The following MAN2A1 variants were observed in gnomAD, a reference collection of about 807,000 sequenced individuals.
MAN2A1 encodes alpha-mannosidase 2.
Under a neutral mutation model 142.6 loss-of-function variants are expected in MAN2A1, and 76 were observed. The ratio of observed to expected loss-of-function variants is 0.53; its 90% CI spans 0.44 to 0.65. The LOEUF is 0.65. Among genes scored for constraint, MAN2A1 ranks in the 30% least tolerant of loss-of-function variants. The pLI, the probability that MAN2A1 is intolerant of heterozygous loss-of-function variation, is 0.00. For synonymous variants in MAN2A1, 559 were observed against 473.2 expected, an observed-to-expected ratio of 1.18 and a Z score of -2.35; for missense variants, 1,311 against 1,365.1, an observed-to-expected ratio of 0.96 and a Z score of 0.62.
chr5:109,754,784 C>T (rs1752642748), intron 4 of MAN2A1, among the ~76,000 whole-genome samples: 2 of 152,164 alleles, frequency 1.3e-5, no homozygotes, highest in Admixed American at 1.3e-4. Flanking sequence ...GGCAAATCAC[C>T]TGAGGCTGGG....
At chr5:109,713,229 TGA>T (rs1751352351) in intron 1 of MAN2A1, among the ~76,000 whole-genome samples, 2 of 152,214 alleles carry the variant, frequency 1.3e-5, no homozygotes, top group Admixed American at 6.5e-5. Flanking sequence ...ATTTTAGGAC[TGA>T]GTTTGGGGGG....
chr5:109,696,534 T>C (rs1332371238), intron 1 of MAN2A1, among the ~76,000 whole-genome samples: 1 of 152,254 alleles, frequency 6.6e-6, no homozygotes, highest in Non-Finnish European at 1.5e-5. Flanking sequence ...ACCTCTTTGC[T>C]GTTGACATTT....
chr5:109,717,703 A>G (rs56203010), intron 3 of MAN2A1, among the ~76,000 whole-genome samples: 4,667 of 152,268 alleles, frequency 0.031, 99 homozygotes, highest in Non-Finnish European at 0.047. Flanking sequence ...AGAATGAGGC[A>G]GGTATCTTGG....
chr5:109,858,177 G>C (rs1306348316), intron 20 of MAN2A1, among the ~76,000 whole-genome samples: 1 of 152,162 alleles, frequency 6.6e-6, no homozygotes, highest in African/African-American at 2.4e-5. Flanking sequence ...CTCATAATCA[G>C]AACTAAATAC....
intron 16 of MAN2A1, among the ~76,000 whole-genome samples, chr5:109,840,890 C>T (rs1755186473): frequency 6.6e-6 from 1 of 152,178 alleles, no homozygotes; most frequent in East Asian, 1.9e-4. Flanking sequence ...ACACTCTTTC[C>T]CACAAACCTC....
intron 12 of MAN2A1, among the ~76,000 whole-genome samples, chr5:109,812,016 A>G (rs569004112): frequency 6.6e-6 from 1 of 152,238 alleles, no homozygotes; most frequent in South Asian, 2.1e-4. Context: ...TAAATCGTTC[A>G]CTGTACTACC....
chr5:109,780,824 T>TA (rs1269778745), intron 8 of MAN2A1, among the ~76,000 whole-genome samples: 5 of 152,212 alleles, frequency 3.3e-5, no homozygotes, highest in African/African-American at 2.4e-5. Flanking sequence ...TACTCAGTGT[T>TA]ACCTACTGGT....
intron 16 of MAN2A1, among the ~76,000 whole-genome samples, chr5:109,829,319 C>T (rs1208143424): frequency 6.6e-6 from 1 of 152,158 alleles, no homozygotes; most frequent in African/African-American, 2.4e-5. Context: ...CACAAAATTG[C>T]CCTTGTTTAA....
Position 109,847,793 on chromosome 5 carries a change from A to G in MAN2A1, c.2976+3A>G. The G allele has an allele frequency of 2.6e-6, 4 of 1,529,368 alleles. No individual in the cohort carries two copies. The highest frequency in any genetic ancestry group is 3.5e-6 in the Non-Finnish European group (4 of 1,137,732). 94.7% of individuals were successfully genotyped at this position (1,529,368 alleles called of 1,614,324 possible). ...AAAAAAGAAGTGCTGTTAATACGGT[A>G]TGAAAAAATAACTAGCATGATCTGA... On this transcript the variant is annotated splice_donor_region_variant and intron_variant, in intron 19 of 21. Transcript: ENST00000261483.
At chr5:109,831,831 GTA>G (rs1561534276) in intron 16 of MAN2A1, among the ~76,000 whole-genome samples, 1 of 151,544 alleles carries the variant, frequency 6.6e-6, no homozygotes, top group Non-Finnish European at 1.5e-5. Flanking sequence ...GTGTGTGTGT[GTA>G]TTTATGTATA....
intron 4 of MAN2A1, among the ~76,000 whole-genome samples, chr5:109,749,722 TTTAAATTTTAA>T (rs1013481732): frequency 3.9e-5 from 6 of 152,072 alleles, no homozygotes; most frequent in Non-Finnish European, 8.8e-5. Context: ...ACATCTTTTT[TTTAAATTTTAA>T]TTAAATTTTA....
At position 109,867,197 on chromosome 5, in the gene MAN2A1, A is replaced by T. The variant is rs949384346; in HGVS notation, c.*199A>T. On this transcript the variant is annotated 3_prime_UTR_variant, in exon 22 of 22. Coordinates refer to ENST00000261483, the MANE Select transcript of MAN2A1 (RefSeq NM_002372.4). ...AAAAAAAGCCATGCTATCAATCAAGATTCTTTTTTTTTAAACTTTCTCCCA... is the reference window on the plus strand; with the variant it reads ...AAAAAAAGCCATGCTATCAATCAAGTTTCTTTTTTTTTAAACTTTCTCCCA... The T allele has an allele frequency of 2.6e-6, 1 of 379,342 alleles. No homozygotes were observed. The highest frequency in any genetic ancestry group is 2.1e-5 in the African/African-American group (1 of 47,038). 23.5% of individuals were successfully genotyped at this position (379,342 alleles called of 1,614,324 possible).
intron 12 of MAN2A1, among the ~76,000 whole-genome samples, chr5:109,801,309 G>A (rs1430436662): frequency 6.6e-6 from 1 of 152,162 alleles, no homozygotes; most frequent in Non-Finnish European, 1.5e-5. Flanking sequence ...TCCAGAAAGA[G>A]GGATGAGCAA....
At chr5:109,820,038 A>G in intron 14 of MAN2A1, 151 bp downstream of exon 14, 1 of 791,548 alleles carries the variant, frequency 1.3e-6, no homozygotes. Flanking sequence ...TTGCACCTTC[A>G]TTGACCACTT....
At chr5:109,757,050 A>AG (rs946055443) in intron 5 of MAN2A1, among the ~76,000 whole-genome samples, 6 of 152,164 alleles carry the variant, frequency 3.9e-5, no homozygotes, top group African/African-American at 1.4e-4. Flanking sequence ...GAGGACGCTT[A>AG]GAAGCTTGCA....
intron 6 of MAN2A1, among the ~76,000 whole-genome samples, chr5:109,768,124 C>G (rs140771271): frequency 2.6e-4 from 40 of 152,212 alleles, no homozygotes; most frequent in South Asian, 2.1e-3. Flanking sequence ...TTTTTAAAGC[C>G]TTAATCCTGT....
At chr5:109,737,894 A>T (rs1419168031) in intron 4 of MAN2A1, among the ~76,000 whole-genome samples, 2 of 152,170 alleles carry the variant, frequency 1.3e-5, no homozygotes. Context: ...AGTGATGGCA[A>T]GTAGGTTAGC....
At chr5:109,732,404 T>G (rs1751941582) in intron 4 of MAN2A1, among the ~76,000 whole-genome samples, 1 of 152,212 alleles carries the variant, frequency 6.6e-6, no homozygotes, top group African/African-American at 2.4e-5. Context: ...TTGTTTCCAT[T>G]GCTTTTGGTG....
intron 17 of MAN2A1, among the ~76,000 whole-genome samples, chr5:109,845,389 T>C (rs1165393942): frequency 6.6e-6 from 1 of 152,194 alleles, no homozygotes; most frequent in Non-Finnish European, 1.5e-5. Flanking sequence ...GATTTTAACA[T>C]AATATCTTAG....
Sources: gnomAD v4.1 joint callset for allele counts (sites outside exome capture counted in the v4.1 genomes callset) on GRCh38, gnomAD v4.1.1 for gene constraint, MANE v1.5 for transcripts, NCBI Gene and HGNC (gene_info 2026-07-23, HGNC 2026-07-21) for gene names.